GRM1: variants seen among roughly 807,000 people sequenced by gnomAD.
The protein encoded by GRM1 is metabotropic glutamate receptor 1.
In GRM1, 33 loss-of-function variants were observed where a neutral mutation model predicts 90.9. That is an observed-to-expected ratio of 0.36 (90% CI 0.28 to 0.49). The LOEUF (loss-of-function observed/expected upper bound fraction) is 0.49. Ranked by LOEUF, GRM1 falls within the 20% of genes least tolerant of loss-of-function variation. GRM1 has a pLI of 0.99. For synonymous variants in GRM1, 700 were observed against 613.2 expected (o/e 1.14, Z -2.09); for missense variants, 1,190 against 1,534.3 (o/e 0.78, Z 3.75).
At chr6:146,196,325 T>C (rs934691313) in intron 2 of GRM1, among the ~76,000 whole-genome samples, 1 of 150,902 alleles carries the variant, frequency 6.6e-6, no homozygotes, top group African/African-American at 2.5e-5. Context: ...TCGCTCTCTG[T>C]CGCCCAGGCT....
intron 2 of GRM1, among the ~76,000 whole-genome samples, chr6:146,292,535 C>A (rs989491264): frequency 6.6e-6 from 1 of 151,804 alleles, no homozygotes. Context: ...CATCATTAGC[C>A]ATTACAAAAA....
At chr6:146,146,040 C>A (rs1484092448) in intron 1 of GRM1, among the ~76,000 whole-genome samples, 1 of 123,480 alleles carries the variant, frequency 8.1e-6, no homozygotes, top group Non-Finnish European at 1.7e-5. Context: ...TTAACACTTT[C>A]TTTTGGCTTA....
chr6:146,429,425 C>T (rs535754683), intron 7 of GRM1, among the ~76,000 whole-genome samples: 1 of 152,156 alleles, frequency 6.6e-6, no homozygotes, highest in Non-Finnish European at 1.5e-5. Flanking sequence ...GAGCTGGAGT[C>T]AGTGGGAGTC....
At chr6:146,236,588 T>C (rs35693699) in intron 2 of GRM1, among the ~76,000 whole-genome samples, 13,468 of 152,174 alleles carry the variant, frequency 0.089, 798 homozygotes, top group South Asian at 0.13. Flanking sequence ...CAAGGGTTCT[T>C]CTTCTCCCTT....
intron 1 of GRM1, among the ~76,000 whole-genome samples, chr6:146,104,572 C>G (rs563546625): frequency 1.3e-5 from 2 of 152,206 alleles, no homozygotes; most frequent in East Asian, 3.9e-4. Context: ...AGCTAGTGAA[C>G]CACTGGAGAA....
intron 6 of GRM1, among the ~76,000 whole-genome samples, chr6:146,391,843 T>C (rs1025349420): frequency 2.0e-5 from 3 of 152,098 alleles, no homozygotes; most frequent in African/African-American, 7.2e-5. Flanking sequence ...GAATCTAGCA[T>C]CTTCCCAAGA....
chr6:146,351,524 G>T (rs1471501292), intron 3 of GRM1, among the ~76,000 whole-genome samples: 2 of 152,120 alleles, frequency 1.3e-5, no homozygotes, highest in African/African-American at 4.8e-5. Flanking sequence ...TTGCAAACCT[G>T]CTTGGCAGTA....
intron 2 of GRM1, among the ~76,000 whole-genome samples, chr6:146,207,270 C>A (rs961198520): frequency 6.6e-6 from 1 of 152,134 alleles, no homozygotes; most frequent in Non-Finnish European, 1.5e-5. Context: ...AATTTACACT[C>A]CCACCAACAG....
At chr6:146,261,803 GA>G (rs1259600146) in intron 2 of GRM1, among the ~76,000 whole-genome samples, 1 of 151,046 alleles carries the variant, frequency 6.6e-6, no homozygotes, top group East Asian at 1.9e-4. Flanking sequence ...AAAATGCAGA[GA>G]AAAAAATCAA....
At chr6:146,277,533 G>C (rs973854002) in intron 2 of GRM1, among the ~76,000 whole-genome samples, 1 of 152,186 alleles carries the variant, frequency 6.6e-6, no homozygotes, top group Non-Finnish European at 1.5e-5. Flanking sequence ...AGATTTGAGC[G>C]AGTTCCCCTG....
chr6:146,345,001 G>T (rs1391789701), intron 3 of GRM1, among the ~76,000 whole-genome samples: 1 of 152,052 alleles, frequency 6.6e-6, no homozygotes, highest in Non-Finnish European at 1.5e-5. Context: ...AGTAGAGACA[G>T]AGTTTCTCCT....
chr6:146,038,529 C>G (rs1790975934), intron 1 of GRM1, among the ~76,000 whole-genome samples: 1 of 151,960 alleles, frequency 6.6e-6, no homozygotes, highest in African/African-American at 2.4e-5. Context: ...TAGGAAGATG[C>G]CCTTAGCTTA....
At chr6:146,426,842 C>T (rs117325187) in intron 7 of GRM1, among the ~76,000 whole-genome samples, 171 of 152,106 alleles carry the variant, frequency 1.1e-3, no homozygotes, top group Non-Finnish European at 2.0e-3. Flanking sequence ...TTCATTTAGG[C>T]TTTTTGCTTT....
At chr6:146,172,107 C>T (rs7759030) in intron 2 of GRM1, among the ~76,000 whole-genome samples, 1 of 151,914 alleles carries the variant, frequency 6.6e-6, no homozygotes, top group African/African-American at 2.4e-5. Context: ...AAAAAAAAGA[C>T]AAAAAAGCTC....
intron 7 of GRM1, among the ~76,000 whole-genome samples, chr6:146,432,819 C>G (rs1484284267): frequency 6.6e-6 from 1 of 152,144 alleles, no homozygotes; most frequent in South Asian, 2.1e-4. Context: ...TTACAATAGA[C>G]AGAACAGAAT....
rs150520977 is a variant in GRM1 at position 146,159,568 on chromosome 6, C to A, written c.921C>A (p.Gly307=). 6.2e-7 allele frequency: 1 copy of A among 1,611,494 alleles called. No homozygotes were observed. The highest frequency in any genetic ancestry group is 8.5e-7 in the Non-Finnish European group (1 of 1,178,802). The change falls in exon 2 of 8, where the codon GGC becomes GGA. Residue 307 remains glycine (G), a synonymous_variant. Transcript: ENST00000282753. The stretch of plus-strand genomic sequence containing the variant: ...TCCTGAGCGCCATGCGGCGCCTTGG[C>A]GTCGTGGGCGAGTTCTCACTCATTG... ...RGLLSAMRRL[G]VVGEFSLIGS...
intron 2 of GRM1, among the ~76,000 whole-genome samples, chr6:146,206,372 C>T (rs1779493085): frequency 6.6e-6 from 1 of 152,024 alleles, no homozygotes; most frequent in Non-Finnish European, 1.5e-5. Flanking sequence ...AGTTGCTATC[C>T]CAGGCCTGGG....
chr6:146,119,361 A>G (rs1179440736), intron 1 of GRM1, among the ~76,000 whole-genome samples: 5 of 152,072 alleles, frequency 3.3e-5, no homozygotes, highest in Non-Finnish European at 5.9e-5. Flanking sequence ...AGATGAGTAG[A>G]TTGAAAAAAT....
rs748685297 is a variant in GRM1, at chr6:146,434,968, G to A, written c.*172G>A. 1.2e-5 allele frequency: 8 copies of A among 667,254 alleles called. No homozygotes were observed. The highest frequency in any genetic ancestry group is 1.9e-5 in the Non-Finnish European group (7 of 377,444). The allele number at this position is 667,254 out of a possible 1,614,324, so 41.3% of individuals were successfully genotyped here. On this transcript the variant is annotated 3_prime_UTR_variant, in exon 8 of 8. Coordinates refer to ENST00000282753, the MANE Select transcript of GRM1 (RefSeq NM_001278064.2). ...CTGCTGCCTTAAGTAGGAAGAGAGG[G>A]AAGGACACCAAGCAAAAAATGTTCC...
Sources: gnomAD v4.1 joint callset for allele counts (sites outside exome capture counted in the v4.1 genomes callset) on GRCh38, gnomAD v4.1.1 for gene constraint, MANE v1.5 for transcripts, NCBI Gene and HGNC (gene_info 2026-07-23, HGNC 2026-07-21) for gene names.